Variants in RAB31 observed in about 807,000 individuals in gnomAD.
RAB31 encodes the protein ras-related protein Rab-31.
RAB31 carries 21 observed loss-of-function variants against 25.6 expected under a neutral mutation model. The ratio of observed to expected loss-of-function variants is 0.82; its 90% confidence interval spans 0.58 to 1.18. The LOEUF is 1.18. Ranked by LOEUF, RAB31 falls within the 50% of genes most tolerant of loss-of-function variation. RAB31 has a pLI of 0.00. For missense variants in RAB31, 196 were observed against 250.1 expected, an observed-to-expected ratio of 0.78 and a Z score of 1.46; for synonymous variants, 87 against 84.0, an observed-to-expected ratio of 1.04 and a Z score of -0.20.
chr18:9,835,043 G>A lies in RAB31; in HGVS notation c.381-10539G>A, dbSNP rs532569768. On this transcript the variant is annotated intron_variant, in intron 5 of 6. Coordinates refer to ENST00000578921, the MANE Select transcript of RAB31 (RefSeq NM_006868.4). ...TACTGTGTGCATGTGTGTAGTTTAT[G>A]TCAATCCTCCCATCCCATGAAGTTA... Among the ~76,000 whole-genome samples, 15 of 152,306 alleles carry A rather than the reference G, an allele frequency of 9.8e-5. No individual in the cohort carries two copies. The South Asian group carries it at 2.5e-3, about 25-fold the overall frequency.
intron 1 of RAB31, among the ~76,000 whole-genome samples, chr18:9,756,105 A>T (rs976685499): frequency 8.5e-5 from 13 of 152,182 alleles, no homozygotes; most frequent in African/African-American, 3.1e-4. Flanking sequence ...AAACCATGAG[A>T]AGGTCATGTG....
chr18:9,825,884 A>G (rs1309606888), intron 5 of RAB31, among the ~76,000 whole-genome samples: 1 of 152,220 alleles, frequency 6.6e-6, no homozygotes, highest in Non-Finnish European at 1.5e-5. Flanking sequence ...AGGGGAAGTA[A>G]GCATTGGGCA....
chr18:9,784,714 G>A (rs2068423099), intron 2 of RAB31, among the ~76,000 whole-genome samples: 3 of 151,466 alleles, frequency 2.0e-5, no homozygotes, highest in African/African-American at 7.3e-5. Context: ...CACCACACCT[G>A]GCTAATTTTT....
At chr18:9,730,659 C>T (rs1268756062) in intron 1 of RAB31, among the ~76,000 whole-genome samples, 2 of 152,146 alleles carry the variant, frequency 1.3e-5, no homozygotes, top group Non-Finnish European at 2.9e-5. Context: ...ATATGTAAAT[C>T]CTCTTTCCTG....
At chr18:9,854,634 T>C (rs766724612) in intron 6 of RAB31, among the ~76,000 whole-genome samples, 1 of 152,188 alleles carries the variant, frequency 6.6e-6, no homozygotes, top group Non-Finnish European at 1.5e-5. Context: ...CTCTTTATCC[T>C]AATATTCAGG....
chr18:9,820,498 G>A (rs76112792), intron 5 of RAB31, among the ~76,000 whole-genome samples: 2,192 of 152,074 alleles, frequency 0.014, 56 homozygotes, highest in African/African-American at 0.049. Flanking sequence ...CTTGGTATCA[G>A]GGCAATAACA....
intron 5 of RAB31, among the ~76,000 whole-genome samples, chr18:9,837,791 T>C (rs1390220026): frequency 6.6e-6 from 1 of 152,226 alleles, no homozygotes; most frequent in Non-Finnish European, 1.5e-5. Context: ...GATGCAGTTC[T>C]ACTCTTGGGG....
At chr18:9,830,567 G>A (rs2068672981) in intron 5 of RAB31, 1 of 151,700 alleles carries the variant, frequency 6.6e-6, no homozygotes, top group Non-Finnish European at 1.5e-5. Flanking sequence ...GGGGCTAAGT[G>A]ATTCTCCTGC....
At chr18:9,723,338 G>A (rs993003292) in intron 1 of RAB31, among the ~76,000 whole-genome samples, 15 of 152,060 alleles carry the variant, frequency 9.9e-5, no homozygotes, top group South Asian at 4.2e-4. Context: ...GTGAGCCACC[G>A]TGCCTGGCCT....
At chr18:9,780,650 G>T (rs575131818) in intron 2 of RAB31, among the ~76,000 whole-genome samples, 1 of 152,288 alleles carries the variant, frequency 6.6e-6, no homozygotes, top group East Asian at 1.9e-4. Flanking sequence ...ATGTTATGAG[G>T]CTAGACACGG....
chr18:9,767,590 T>A (rs2068322671), intron 1 of RAB31, among the ~76,000 whole-genome samples: 1 of 152,174 alleles, frequency 6.6e-6, no homozygotes, highest in South Asian at 2.1e-4. Context: ...GTCGAAAAGA[T>A]TTTAAGGCCC....
chr18:9,716,589 A>G (rs1049535439), intron 1 of RAB31, among the ~76,000 whole-genome samples: 1 of 152,146 alleles, frequency 6.6e-6, no homozygotes, highest in African/African-American at 2.4e-5. Flanking sequence ...AGAGCCCAGG[A>G]TGGAGGCGTC....
chr18:9,744,589 C>G (rs2068196312), intron 1 of RAB31, among the ~76,000 whole-genome samples: 1 of 152,146 alleles, frequency 6.6e-6, no homozygotes, highest in Admixed American at 6.6e-5. Flanking sequence ...AGGCACCGTG[C>G]TTCCTGGTTA....
At chr18:9,813,579 C>CG (rs2143076543) in intron 3 of RAB31, among the ~76,000 whole-genome samples, 1 of 152,242 alleles carries the variant, frequency 6.6e-6, no homozygotes, top group East Asian at 1.9e-4. Flanking sequence ...GGGCCGGGTG[C>CG]GGTAGCTCAC....
At chr18:9,795,929 G>A (rs1031457677) in intron 3 of RAB31, among the ~76,000 whole-genome samples, 10 of 152,106 alleles carry the variant, frequency 6.6e-5, no homozygotes, top group Admixed American at 2.0e-4. Context: ...ACTTGCACAC[G>A]CATGTTTATT....
At chr18:9,802,206 T>C (rs2068517254) in intron 3 of RAB31, among the ~76,000 whole-genome samples, 1 of 152,216 alleles carries the variant, frequency 6.6e-6, no homozygotes, top group South Asian at 2.1e-4. Flanking sequence ...TAAATATTTA[T>C]CAAAAGAATC....
rs187259500 is a variant in RAB31 at position 9,784,846 on chromosome 18, C to G, written c.120-7308C>G. Among the ~76,000 whole-genome samples the G allele has an allele frequency of 2.4e-4, 36 of 152,148 alleles. No homozygotes were observed. In the East Asian group the frequency reaches 5.2e-3, roughly 22 times the overall value. ...GGGATTACAGGTGTGAGCCACTGCG[C>G]CCAGCCAATTTTAGATGATATTGAT... On this transcript the variant is annotated intron_variant, in intron 2 of 6. Transcript: ENST00000578921.
chr18:9,834,919 T>C (rs2068696624), intron 5 of RAB31, among the ~76,000 whole-genome samples: 1 of 152,230 alleles, frequency 6.6e-6, no homozygotes, highest in South Asian at 2.1e-4. Context: ...TACTTTCAAA[T>C]GGCACAATTT....
At chr18:9,715,414 C>CT (rs35636275) in intron 1 of RAB31, among the ~76,000 whole-genome samples, 17,584 of 144,244 alleles carry the variant, frequency 0.12, 1,275 homozygotes, top group South Asian at 0.16. Context: ...CCTTTGCCCC[C>CT]TTTTTTTTTT....
Sources: gnomAD v4.1 joint callset for allele counts (sites outside exome capture counted in the v4.1 genomes callset) on GRCh38, gnomAD v4.1.1 for gene constraint, MANE v1.5 for transcripts, NCBI Gene and HGNC (gene_info 2026-07-23, HGNC 2026-07-21) for gene names.